The following PAK5 variants were observed in gnomAD, a reference collection of about 807,000 sequenced individuals.
The protein encoded by PAK5 is serine/threonine-protein kinase PAK 5.
Under a neutral mutation model 65.9 loss-of-function variants are expected in PAK5, and 16 were observed. The observed-to-expected ratio is 0.24, with a 90% CI of 0.16 to 0.37. The LOEUF (loss-of-function observed/expected upper bound fraction) is 0.37, where lower values mean the gene tolerates loss of function less well. PAK5 is among the 10% of genes least tolerant of loss of function. The probability of loss-of-function intolerance (pLI) is 1.00; values close to 1 mark genes in which losing one functional copy is unlikely to be tolerated. For synonymous variants in PAK5, 371 were observed against 354.9 expected (o/e 1.05, Z -0.51); for missense variants, 785 against 903.9 (o/e 0.87, Z 1.69).
At chr20:9,547,887 G>A (rs1322274057) in intron 7 of PAK5, among the ~76,000 whole-genome samples, 2 of 152,126 alleles carry the variant, frequency 1.3e-5, no homozygotes, top group East Asian at 1.9e-4. Flanking sequence ...ATTATAGCTT[G>A]AATCATAGAT....
At chr20:9,576,376 C>T (rs1173612297) in intron 4 of PAK5, among the ~76,000 whole-genome samples, 2 of 152,126 alleles carry the variant, frequency 1.3e-5, no homozygotes, top group African/African-American at 4.8e-5. Flanking sequence ...CCTCTTCTGC[C>T]TGCAGGACAT....
chr20:9,678,856 G>A (rs1479555575), intron 2 of PAK5, among the ~76,000 whole-genome samples: 3 of 152,118 alleles, frequency 2.0e-5, no homozygotes, highest in Admixed American at 6.5e-5. Flanking sequence ...TCCCTCCCAC[G>A]ACACATGGGG....
Position 9,539,210 on chromosome 20 carries a change from G to A in PAK5, c.*252C>T. 5.3e-6 allele frequency: 2 copies of A among 379,160 alleles called. No homozygotes were observed. The highest frequency in any genetic ancestry group is 7.4e-5 in the East Asian group (2 of 26,942). The allele number at this position is 379,160 out of a possible 1,614,324, so 23.5% of individuals were successfully genotyped here. On this transcript the variant is annotated 3_prime_UTR_variant, in exon 10 of 10. Transcript: ENST00000353224. ...ACTGAGTCCTTCTGATTTGCTGGATGAAGGGCTGAAAAATATAATAATGAC... is the reference window on the plus strand; with the variant it reads ...ACTGAGTCCTTCTGATTTGCTGGATAAAGGGCTGAAAAATATAATAATGAC...
chr20:9,718,611 A>C (rs2048178220), intron 1 of PAK5, among the ~76,000 whole-genome samples: 1 of 152,162 alleles, frequency 6.6e-6, no homozygotes, highest in African/African-American at 2.4e-5. Context: ...TTAGATTAAA[A>C]CCTTCCAACA....
intron 2 of PAK5, among the ~76,000 whole-genome samples, chr20:9,672,978 C>G (rs1379654565): frequency 6.6e-6 from 1 of 152,122 alleles, no homozygotes; most frequent in Non-Finnish European, 1.5e-5. Context: ...CTCTAAGGTA[C>G]AGAGACTCAA....
chr20:9,712,378 G>A (rs762738949), intron 1 of PAK5, among the ~76,000 whole-genome samples: 1 of 152,014 alleles, frequency 6.6e-6, no homozygotes, highest in Non-Finnish European at 1.5e-5. Flanking sequence ...ACTACATACA[G>A]ATTTTATATT....
intron 2 of PAK5, among the ~76,000 whole-genome samples, chr20:9,663,963 A>G (rs751122383): frequency 5.9e-5 from 9 of 152,242 alleles, no homozygotes; most frequent in Admixed American, 2.0e-4. Flanking sequence ...AATGCTACAT[A>G]GCAGGGAGAA....
rs570823807 is a variant in PAK5, at chr20:9,780,126, G to A, written c.-162+58636C>T. Among the ~76,000 whole-genome samples, 12 of 152,180 alleles carry A rather than the reference G, an allele frequency of 7.9e-5. No homozygotes were observed. In the South Asian group the frequency reaches 8.3e-4, roughly 11 times the overall value. ...CAAAAATAACTTTTCTAGATTTGTGGTAAGAAGGTAGCTCTAAGTGAGCTT... is the reference window on the plus strand; with the variant it reads ...CAAAAATAACTTTTCTAGATTTGTGATAAGAAGGTAGCTCTAAGTGAGCTT... On this transcript the variant is annotated intron_variant, in intron 1 of 9. Transcript: ENST00000353224.
At chr20:9,693,016 C>A (rs546994099) in intron 2 of PAK5, among the ~76,000 whole-genome samples, 58 of 152,294 alleles carry the variant, frequency 3.8e-4, no homozygotes, top group Non-Finnish European at 6.6e-4. Context: ...ATGCTAGTTT[C>A]TCCTCTACCA....
At chr20:9,560,311 A>C (rs111845674) in intron 6 of PAK5, among the ~76,000 whole-genome samples, 2 of 152,340 alleles carry the variant, frequency 1.3e-5, no homozygotes, top group African/African-American at 4.8e-5. Flanking sequence ...GAGTAACCTC[A>C]AATTCAAATC....
chr20:9,829,211 AT>A (rs1978515206), intron 1 of PAK5, among the ~76,000 whole-genome samples: 1 of 152,208 alleles, frequency 6.6e-6, no homozygotes, highest in Non-Finnish European at 1.5e-5. Context: ...CAGTCCATTC[AT>A]TTACTTTCCC....
chr20:9,646,373 G>C (rs1030491606), intron 2 of PAK5, among the ~76,000 whole-genome samples: 29 of 152,126 alleles, frequency 1.9e-4, no homozygotes, highest in African/African-American at 6.5e-4. Context: ...TGTTACTTCA[G>C]ACTAATTTGG....
Position 9,633,482 on chromosome 20 carries a change from CTATT to C in PAK5, c.204+10639_204+10642del, listed in dbSNP as rs142778335. On this transcript the variant is annotated intron_variant, in intron 3 of 9. Transcript: ENST00000353224. The stretch of plus-strand genomic sequence containing the variant: ...ACTTATCTGTACAACTGGGTTAAAA[CTATT>C]TGTTATTATAAGTGCCACAAAAGAA... Among the ~76,000 whole-genome samples the C allele has an allele frequency of 3.1e-3, 466 of 152,276 alleles. 6 individuals carry two copies. In the East Asian group the frequency reaches 0.052, roughly 17 times the overall value.
At chr20:9,669,132 C>T (rs1157871384) in intron 2 of PAK5, among the ~76,000 whole-genome samples, 5 of 152,250 alleles carry the variant, frequency 3.3e-5, no homozygotes, top group Admixed American at 6.5e-5. Flanking sequence ...ATATGTAACA[C>T]ATCTTTTAAG....
intron 1 of PAK5, among the ~76,000 whole-genome samples, chr20:9,722,945 G>A (rs1244750769): frequency 3.3e-5 from 5 of 151,912 alleles, no homozygotes; most frequent in African/African-American, 2.4e-5. Context: ...CAGCCAGGCT[G>A]GTCTTGAACC....
At chr20:9,790,368 A>G (rs2049037590) in intron 1 of PAK5, among the ~76,000 whole-genome samples, 1 of 152,148 alleles carries the variant, frequency 6.6e-6, no homozygotes. Context: ...TTGAGATAAC[A>G]CATGAAAAGA....
intron 2 of PAK5, among the ~76,000 whole-genome samples, chr20:9,705,465 G>T (rs1375902551): frequency 2.6e-5 from 4 of 152,174 alleles, no homozygotes; most frequent in Non-Finnish European, 4.4e-5. Flanking sequence ...TATACCACTT[G>T]TTGGGAGTGT....
chr20:9,615,735 C>T (rs1048251226), intron 3 of PAK5, among the ~76,000 whole-genome samples: 3 of 152,326 alleles, frequency 2.0e-5, no homozygotes, highest in African/African-American at 7.2e-5. Flanking sequence ...ATCTGCTGGG[C>T]AGTTGTCGAT....
At chr20:9,569,182 C>T (rs2045733350) in intron 4 of PAK5, among the ~76,000 whole-genome samples, 1 of 152,132 alleles carries the variant, frequency 6.6e-6, no homozygotes, top group Non-Finnish European at 1.5e-5. Flanking sequence ...TTGTTTTAAG[C>T]CATGAAGTTT....
Sources: gnomAD v4.1 joint callset for allele counts (sites outside exome capture counted in the v4.1 genomes callset) on GRCh38, gnomAD v4.1.1 for gene constraint, MANE v1.5 for transcripts, NCBI Gene and HGNC (gene_info 2026-07-23, HGNC 2026-07-21) for gene names.